CREB5: variants seen among roughly 807,000 people sequenced by gnomAD.
CREB5 encodes cAMP responsive element binding protein 5, also known as cyclic AMP-responsive element-binding protein 5.
A neutral mutation model predicts 57.1 loss-of-function variants in CREB5; 19 were observed. The ratio of observed to expected loss-of-function variants is 0.33; its 90% CI spans 0.23 to 0.49. CREB5 has a LOEUF of 0.49. CREB5 is among the 20% of genes least tolerant of loss of function. The pLI is 0.99. For missense variants in CREB5, 579 were observed against 671.6 expected (o/e 0.86, Z 1.52); for synonymous variants, 238 against 238.3 (o/e 1.00, Z 0.01).
rs768314238 is a variant in CREB5 at position 28,797,515 on chromosome 7, T to C, written c.703-6684T>C. On this transcript the variant is annotated intron_variant, in intron 7 of 10. Coordinates refer to ENST00000357727, the MANE Select transcript of CREB5 (RefSeq NM_182898.4). ...TTTCCTTCCAACCTGGCGGACTTAT[T>C]TGAAGTTTTATTAGCAAACCAAAAT... Among the ~76,000 whole-genome samples the C allele has an allele frequency of 1.2e-4, 19 of 152,334 alleles. No homozygotes were observed. The East Asian group carries it at 3.7e-3, about 29-fold the overall frequency.
At chr7:28,382,607 A>G (rs568205048) in intron 1 of CREB5, among the ~76,000 whole-genome samples, 10 of 151,910 alleles carry the variant, frequency 6.6e-5, no homozygotes, top group Non-Finnish European at 1.5e-4. Context: ...TCTTTCAATC[A>G]TCTCCTCCTC....
intron 4 of CREB5, among the ~76,000 whole-genome samples, chr7:28,509,070 A>AT (rs556751865): frequency 5.1e-4 from 77 of 150,886 alleles, no homozygotes; most frequent in South Asian, 3.8e-3. Flanking sequence ...TGAGTAATAA[A>AT]TTTTTTTTTT....
intron 7 of CREB5, among the ~76,000 whole-genome samples, chr7:28,753,520 T>A (rs574426805): frequency 6.6e-6 from 1 of 152,194 alleles, no homozygotes; most frequent in African/African-American, 2.4e-5. Flanking sequence ...TCTTCTTATA[T>A]TAACAACAGG....
intron 5 of CREB5, among the ~76,000 whole-genome samples, chr7:28,639,842 C>G (rs750246399): frequency 6.6e-6 from 1 of 152,128 alleles, no homozygotes; most frequent in Non-Finnish European, 1.5e-5. Flanking sequence ...GAGTGAAAAT[C>G]AATGCCACAA....
chr7:28,670,125 A>T (rs1051395042), intron 5 of CREB5, among the ~76,000 whole-genome samples: 8 of 152,212 alleles, frequency 5.3e-5, no homozygotes, highest in Non-Finnish European at 1.0e-4. Flanking sequence ...TGGATGCCTG[A>T]ACCTGTGATC....
chr7:28,358,258 G>A (rs180692451), intron 1 of CREB5, among the ~76,000 whole-genome samples: 91 of 152,282 alleles, frequency 6.0e-4, no homozygotes, highest in African/African-American at 2.2e-3. Flanking sequence ...AAAACATAAG[G>A]AGAAGAGCTG....
At chr7:28,786,636 GCA>G (rs1247616961) in intron 7 of CREB5, among the ~76,000 whole-genome samples, 1 of 152,186 alleles carries the variant, frequency 6.6e-6, no homozygotes, top group Admixed American at 6.5e-5. Flanking sequence ...GGGATGGGAG[GCA>G]AGTCCTCCTC....
intron 1 of CREB5, among the ~76,000 whole-genome samples, chr7:28,414,599 GCTAT>G (rs1428515746): frequency 2.6e-5 from 4 of 152,048 alleles, no homozygotes; most frequent in African/African-American, 9.7e-5. Flanking sequence ...AAATAAGTAA[GCTAT>G]CTATTTTGTG....
chr7:28,419,851 A>T (rs1788171960), intron 1 of CREB5, among the ~76,000 whole-genome samples: 1 of 152,210 alleles, frequency 6.6e-6, no homozygotes, highest in South Asian at 2.1e-4. Context: ...CTAAGCACAC[A>T]TTGTTTACAA....
intron 1 of CREB5, among the ~76,000 whole-genome samples, chr7:28,467,799 A>G (rs2128580287): frequency 6.6e-6 from 1 of 152,282 alleles, no homozygotes; most frequent in Admixed American, 6.5e-5. Flanking sequence ...CTAATGGGAG[A>G]GTATCCCAAG....
chr7:28,429,692 C>A lies in CREB5; in HGVS notation c.3+16775C>A, dbSNP rs150786654. Among the ~76,000 whole-genome samples, 143 of 152,314 alleles carry A rather than the reference C, an allele frequency of 9.4e-4. 1 individual carries two copies. The Middle Eastern group carries it at 0.01, about 11-fold the overall frequency. On this transcript the variant is annotated intron_variant, in intron 1 of 10. Transcript: ENST00000357727. Reference sequence around the variant, plus strand: ...AAAAGGAATTTAAGGCTTATATAAACTTCCTAATGAAAATCCCCCATCTCC... The same window carrying A: ...AAAAGGAATTTAAGGCTTATATAAAATTCCTAATGAAAATCCCCCATCTCC...
chr7:28,760,897 T>C (rs1188439772), intron 7 of CREB5, among the ~76,000 whole-genome samples: 1 of 152,202 alleles, frequency 6.6e-6, no homozygotes, highest in Non-Finnish European at 1.5e-5. Context: ...CTTTTCATTT[T>C]CAAAGCACTT....
intron 5 of CREB5, among the ~76,000 whole-genome samples, chr7:28,607,430 C>A (rs1227209459): frequency 6.6e-6 from 1 of 152,122 alleles, no homozygotes; most frequent in Non-Finnish European, 1.5e-5. Flanking sequence ...GGCACTGGAA[C>A]GTGCAAATAC....
chr7:28,623,583 T>C (rs1350409170), intron 5 of CREB5, among the ~76,000 whole-genome samples: 1 of 152,244 alleles, frequency 6.6e-6, no homozygotes, highest in African/African-American at 2.4e-5. Flanking sequence ...GATTTATTTT[T>C]AGAATCTTAA....
chr7:28,469,552 G>T (rs1171681395), intron 1 of CREB5, among the ~76,000 whole-genome samples: 2 of 152,188 alleles, frequency 1.3e-5, no homozygotes, highest in African/African-American at 4.8e-5. Context: ...GCCAATGAAT[G>T]ATACTAAAAT....
intron 5 of CREB5, among the ~76,000 whole-genome samples, chr7:28,674,191 G>A (rs1395344588): frequency 6.6e-6 from 1 of 151,938 alleles, no homozygotes; most frequent in Non-Finnish European, 1.5e-5. Context: ...TCCCTTTCTT[G>A]ATGTTTTCAA....
intron 5 of CREB5, among the ~76,000 whole-genome samples, chr7:28,602,234 C>T (rs1283651063): frequency 6.6e-6 from 1 of 152,112 alleles, no homozygotes; most frequent in Non-Finnish European, 1.5e-5. Flanking sequence ...TCAAGTGATT[C>T]TCCTGCCTCA....
At chr7:28,577,475 C>T (rs1160046317) in intron 5 of CREB5, among the ~76,000 whole-genome samples, 2 of 152,196 alleles carry the variant, frequency 1.3e-5, no homozygotes, top group Non-Finnish European at 2.9e-5. Context: ...AACCTCTTCT[C>T]TTTGTCAGGT....
chr7:28,573,961 C>T (rs1365704756), intron 5 of CREB5, among the ~76,000 whole-genome samples: 2 of 152,190 alleles, frequency 1.3e-5, no homozygotes, highest in East Asian at 3.9e-4. Flanking sequence ...AGTGCCATTA[C>T]CTCAATAGAA....
Sources: allele counts gnomAD v4.1 joint callset (sites outside exome capture counted in the v4.1 genomes callset), GRCh38; gene constraint gnomAD v4.1.1; transcripts MANE v1.5; gene names NCBI Gene and HGNC (gene_info 2026-07-23, HGNC 2026-07-21).